Variants in PCLO observed in about 807,000 individuals in gnomAD.
The protein encoded by PCLO is protein piccolo.
A neutral mutation model predicts 427.5 loss-of-function variants in PCLO; 82 were observed. That is an observed-to-expected ratio of 0.19 (90% CI 0.16 to 0.23). The LOEUF (loss-of-function observed/expected upper bound fraction) is 0.23. Ranked by LOEUF, PCLO falls within the 10% of genes least tolerant of loss-of-function variation. The probability of loss-of-function intolerance (pLI) is 1.00; values close to 1 mark genes in which losing one functional copy is unlikely to be tolerated. For missense variants in PCLO, 6,239 were observed against 6,115.9 expected (o/e 1.02, Z -0.67); for synonymous variants, 2,357 against 2,155.4 (o/e 1.09, Z -2.59).
rs144240265 is a variant in PCLO at position 82,860,989 on chromosome 7, A to G, written c.13655-13742T>C. 3.8e-3 allele frequency among the ~76,000 whole-genome samples: 578 copies of G among 152,224 alleles called. 1 individual carries two copies. Among genetic ancestry groups the G allele is most frequent in the Non-Finnish European group, 7.0e-3 (478 of 67,952 alleles). The stretch of plus-strand genomic sequence containing the variant: ...TATACGCAAAAAATAAAAAGCAAAA[A>G]CTAAATTATATCACTAGAGAAAATC... On this transcript the variant is annotated intron_variant, in intron 10 of 24. Coordinates refer to ENST00000333891, the MANE Select transcript of PCLO (RefSeq NM_033026.6).
chr7:83,048,936 T>C (rs1789167960), intron 3 of PCLO, among the ~76,000 whole-genome samples: 1 of 152,210 alleles, frequency 6.6e-6, no homozygotes, highest in African/African-American at 2.4e-5. Context: ...TCTTATCTTA[T>C]ACTTTCACAC....
At chr7:83,088,002 G>C (rs1416997660) in intron 3 of PCLO, among the ~76,000 whole-genome samples, 2 of 151,900 alleles carry the variant, frequency 1.3e-5, no homozygotes, top group African/African-American at 4.8e-5. Context: ...AAATATAATC[G>C]ATAAAATGTA....
At chr7:83,067,612 T>C (rs1347748983) in intron 3 of PCLO, among the ~76,000 whole-genome samples, 1 of 152,202 alleles carries the variant, frequency 6.6e-6, no homozygotes, top group East Asian at 1.9e-4. Context: ...GAACACATAC[T>C]GTCATGCCAA....
chr7:82,789,365 C>A (rs559703078), intron 22 of PCLO, among the ~76,000 whole-genome samples: 21 of 152,238 alleles, frequency 1.4e-4, no homozygotes, highest in African/African-American at 5.1e-4. Context: ...TTAGAGTCTT[C>A]CATATTTGAA....
At chr7:83,022,671 G>A (rs1293334007) in intron 3 of PCLO, among the ~76,000 whole-genome samples, 1 of 152,154 alleles carries the variant, frequency 6.6e-6, no homozygotes, top group Non-Finnish European at 1.5e-5. Context: ...TAGACACGCT[G>A]ATCTTTTAGA....
chr7:82,914,024 G>T (rs1186603511), intron 7 of PCLO, among the ~76,000 whole-genome samples: 5 of 151,928 alleles, frequency 3.3e-5, no homozygotes, highest in African/African-American at 9.7e-5. Flanking sequence ...GTCTTATTTA[G>T]TACTAAACTT....
At chr7:82,978,009 C>T (rs1796059125) in intron 3 of PCLO, among the ~76,000 whole-genome samples, 1 of 151,926 alleles carries the variant, frequency 6.6e-6, no homozygotes, top group Admixed American at 6.6e-5. Context: ...CTTTTAAAAT[C>T]AAAGTATTTC....
chr7:83,100,707 T>G (rs1042967671), intron 3 of PCLO, among the ~76,000 whole-genome samples: 1 of 152,138 alleles, frequency 6.6e-6, no homozygotes, highest in Non-Finnish European at 1.5e-5. Flanking sequence ...TAATGGGTAC[T>G]AGGCTTAATA....
At chr7:83,051,985 G>A (rs766098831) in intron 3 of PCLO, among the ~76,000 whole-genome samples, 6 of 151,688 alleles carry the variant, frequency 4.0e-5, no homozygotes, top group Non-Finnish European at 7.4e-5. Flanking sequence ...ACATCCACAT[G>A]CAAAAAAATG....
chr7:83,107,923 A>T (rs1396571962), intron 3 of PCLO, among the ~76,000 whole-genome samples: 1 of 147,116 alleles, frequency 6.8e-6, no homozygotes, highest in East Asian at 2.1e-4. Flanking sequence ...CAGTAGGCGG[A>T]AGATGCAGTG....
intron 14 of PCLO, 93 bp from the exon 15 acceptor site, chr7:82,838,435 A>G (rs1166911376): frequency 1.4e-6 from 1 of 718,702 alleles, no homozygotes; most frequent in Non-Finnish European, 2.2e-6. Context: ...GAAAATTCTT[A>G]TAAGAAGCAT....
intron 3 of PCLO, among the ~76,000 whole-genome samples, chr7:83,064,486 A>G (rs146030288): frequency 1.8e-3 from 267 of 152,166 alleles, no homozygotes; most frequent in South Asian, 5.4e-3. Context: ...CATAATGAAC[A>G]CAGCATCTCA....
At chr7:83,062,343 T>A (rs1789561925) in intron 3 of PCLO, among the ~76,000 whole-genome samples, 1 of 152,166 alleles carries the variant, frequency 6.6e-6, no homozygotes, top group African/African-American at 2.4e-5. Flanking sequence ...TAACAGTCAA[T>A]GTTTCTCTAG....
intron 3 of PCLO, among the ~76,000 whole-genome samples, chr7:83,111,702 T>C (rs1470684039): frequency 6.6e-6 from 1 of 152,230 alleles, no homozygotes; most frequent in Non-Finnish European, 1.5e-5. Context: ...ATTAGAAAGT[T>C]GTGCCTTACC....
chr7:82,914,659 A>T (rs762838728), intron 7 of PCLO, 27 bp downstream of exon 7: 3 of 1,608,162 alleles, frequency 1.9e-6, no homozygotes, highest in Non-Finnish European at 1.7e-6. Flanking sequence ...TTTTGAGAGT[A>T]ACAGGGTAGT....
intron 10 of PCLO, among the ~76,000 whole-genome samples, chr7:82,869,298 C>G (rs1022564542): frequency 2.0e-5 from 3 of 152,106 alleles, no homozygotes; most frequent in Non-Finnish European, 4.4e-5. Flanking sequence ...AATGTCCTAA[C>G]TCTTGTTATT....
rs914214661 is a variant in PCLO at position 83,154,813 on chromosome 7, A to G, written c.1828T>C (p.Cys610Arg). 4 of 1,613,860 alleles carry G rather than the reference A, an allele frequency of 2.5e-6. No individual in the cohort carries two copies. In the African/African-American group the frequency reaches 4.0e-5, roughly 16 times the overall value. ...HVPEKANFNT[C>R]TECQTTVCSL... ...CAGACAGTGGTTTGACACTCAGTGC[A>G]TGTGTTAAAATTGGCCTTTTCTGGA... Residue 610 changes from cysteine (C) to arginine (R), a missense_variant, in exon 2 of 25, where the codon TGC (cysteine) becomes CGC (arginine). Cys to Arg is a radical substitution (Grantham distance 180). Around this residue, in one of 5 missense-constraint regions of PCLO, gnomAD observed 4,677 missense variants for 4,468.4 expected, o/e 1.05. Transcript: ENST00000333891.
chr7:82,811,364 C>T (rs1444731913), intron 20 of PCLO, among the ~76,000 whole-genome samples: 3 of 151,522 alleles, frequency 2.0e-5, no homozygotes, highest in African/African-American at 4.8e-5. Flanking sequence ...TCCCTCTTTC[C>T]TTTCCTTCTT....
At chr7:82,961,407 T>A (rs776296077) in intron 4 of PCLO, among the ~76,000 whole-genome samples, 13 of 152,262 alleles carry the variant, frequency 8.5e-5, no homozygotes, top group Non-Finnish European at 5.9e-5. Context: ...CTGTTTTTCT[T>A]TAATTTCTCC....
Sources: allele counts gnomAD v4.1 joint callset (sites outside exome capture counted in the v4.1 genomes callset), GRCh38; gene constraint gnomAD v4.1.1; regional missense constraint gnomAD v4.1.1; transcripts MANE v1.5; gene names NCBI Gene and HGNC (gene_info 2026-07-23, HGNC 2026-07-21).